Variants in EPHA3 observed in about 807,000 individuals in gnomAD.
The protein encoded by EPHA3 is ephrin type-A receptor 3.
In EPHA3, 42 loss-of-function variants were observed where a neutral mutation model predicts 107.1. The observed-to-expected ratio is 0.39, with a 90% confidence interval of 0.31 to 0.51. The LOEUF (loss-of-function observed/expected upper bound fraction) is 0.51. Ranked by LOEUF, EPHA3 falls within the 20% of genes least tolerant of loss-of-function variation. The pLI is 0.78. For missense variants in EPHA3, 1,183 were observed against 1,211.2 expected (o/e 0.98, Z 0.35); for synonymous variants, 461 against 424.8 (o/e 1.09, Z -1.05).
At chr3:89,254,158 TCTTATA>T (rs973645284) in intron 3 of EPHA3, among the ~76,000 whole-genome samples, 7 of 152,166 alleles carry the variant, frequency 4.6e-5, no homozygotes, top group African/African-American at 1.7e-4. Flanking sequence ...ATATTTAGAC[TCTTATA>T]CTTAGTAACA....
At chr3:89,447,582 C>G (rs149656082) in intron 13 of EPHA3, among the ~76,000 whole-genome samples, 3 of 152,266 alleles carry the variant, frequency 2.0e-5, no homozygotes, top group African/African-American at 7.2e-5. Context: ...GACATTTTAG[C>G]TTCCTCTTCC....
intron 3 of EPHA3, among the ~76,000 whole-genome samples, chr3:89,231,241 A>G (rs1704626371): frequency 6.6e-6 from 1 of 152,186 alleles, no homozygotes. Context: ...GTTATTTATT[A>G]TACAAAACAT....
chr3:89,436,035 G>C (rs1210845309), intron 13 of EPHA3, among the ~76,000 whole-genome samples: 1 of 151,750 alleles, frequency 6.6e-6, no homozygotes, highest in Non-Finnish European at 1.5e-5. Context: ...CAACTACTCA[G>C]GAGGCTGAGG....
At chr3:89,114,622 G>A (rs1707209454) in intron 1 of EPHA3, among the ~76,000 whole-genome samples, 1 of 152,220 alleles carries the variant, frequency 6.6e-6, no homozygotes, top group Non-Finnish European at 1.5e-5. Context: ...GGTAGGGTGG[G>A]TGGGCGAGCG....
intron 2 of EPHA3, among the ~76,000 whole-genome samples, chr3:89,159,817 G>A (rs1453169558): frequency 6.6e-6 from 1 of 152,016 alleles, no homozygotes; most frequent in Non-Finnish European, 1.5e-5. Context: ...AGCTTCACAC[G>A]GTGATTTATG....
At chr3:89,316,803 T>C (rs1486544549) in intron 3 of EPHA3, among the ~76,000 whole-genome samples, 1 of 151,578 alleles carries the variant, frequency 6.6e-6, no homozygotes, top group Non-Finnish European at 1.5e-5. Context: ...AGTTGTGAAA[T>C]ATAACTGTTG....
At chr3:89,236,157 A>T (rs536398594) in intron 3 of EPHA3, among the ~76,000 whole-genome samples, 1 of 152,120 alleles carries the variant, frequency 6.6e-6, no homozygotes, top group Non-Finnish European at 1.5e-5. Flanking sequence ...AGGAATATAA[A>T]TGTTTTAACT....
At chr3:89,127,304 T>C in intron 2 of EPHA3, 31 bp downstream of exon 2, 1 of 1,524,770 alleles carries the variant, frequency 6.6e-7, no homozygotes, top group Non-Finnish European at 9.1e-7. Context: ...CAAGGAAACA[T>C]TTTCTCTATT....
intron 3 of EPHA3, among the ~76,000 whole-genome samples, chr3:89,249,220 G>A (rs73849216): frequency 0.014 from 2,083 of 152,178 alleles, 56 homozygotes; most frequent in African/African-American, 0.047. Context: ...CAAAGGCCCT[G>A]GTTTTGTCTC....
At chr3:89,272,784 A>T (rs2107300821) in intron 3 of EPHA3, among the ~76,000 whole-genome samples, 1 of 152,048 alleles carries the variant, frequency 6.6e-6, no homozygotes, top group South Asian at 2.1e-4. Flanking sequence ...GAACACATGG[A>T]AAGTTGGAAT....
chr3:89,178,442 G>A (rs1705365241), intron 2 of EPHA3, among the ~76,000 whole-genome samples: 2 of 152,108 alleles, frequency 1.3e-5, no homozygotes, highest in Non-Finnish European at 2.9e-5. Flanking sequence ...ATAGGAGTCT[G>A]GCTGTGGAGT....
At chr3:89,419,460 C>T (rs1709314782) in intron 11 of EPHA3, 70 bp downstream of exon 11, 1 of 1,379,032 alleles carries the variant, frequency 7.3e-7, no homozygotes. Context: ...CAACCCCAAC[C>T]ATTTAAGAAT....
chr3:89,413,892 G>A (rs1408771433), intron 10 of EPHA3, among the ~76,000 whole-genome samples: 1 of 151,386 alleles, frequency 6.6e-6, no homozygotes, highest in Non-Finnish European at 1.5e-5. Context: ...ATATTTATAA[G>A]AAAAATTTCA....
chr3:89,222,039 T>TTTATTTTCTA (rs1704390022), intron 3 of EPHA3, among the ~76,000 whole-genome samples: 1 of 152,164 alleles, frequency 6.6e-6, no homozygotes, highest in Non-Finnish European at 1.5e-5. Context: ...AGGGCATCTC[T>TTTATTTTCTA]GGCCTTTATT....
chr3:89,462,215 GT>G (rs1372287124), intron 15 of EPHA3, among the ~76,000 whole-genome samples: 1 of 39,754 alleles, frequency 2.5e-5, no homozygotes, highest in Admixed American at 3.3e-4. Context: ...GTACCATGCT[GT>G]TTTGGTTACT....
chr3:89,279,666 T>C (rs1171730725), intron 3 of EPHA3, among the ~76,000 whole-genome samples: 1 of 152,108 alleles, frequency 6.6e-6, no homozygotes, highest in Admixed American at 6.6e-5. Flanking sequence ...TTTTCTAGAG[T>C]GGGTCCTGCA....
intron 2 of EPHA3, among the ~76,000 whole-genome samples, chr3:89,168,714 T>C (rs1467664044): frequency 1.3e-5 from 2 of 152,058 alleles, no homozygotes; most frequent in African/African-American, 4.8e-5. Context: ...TAATTAGTAA[T>C]TTTTTCTAAA....
At chr3:89,477,823 A>G (rs1299982776) in intron 16 of EPHA3, among the ~76,000 whole-genome samples, 1 of 146,340 alleles carries the variant, frequency 6.8e-6, no homozygotes, top group Non-Finnish European at 1.5e-5. Context: ...TGGTAAACAG[A>G]GTACGAGAAA....
At chr3:89,130,291 G>C (rs1235396110) in intron 2 of EPHA3, among the ~76,000 whole-genome samples, 1 of 152,114 alleles carries the variant, frequency 6.6e-6, no homozygotes, top group Non-Finnish European at 1.5e-5. Flanking sequence ...CATTCCATCA[G>C]GAAATGTCCA....
Sources: allele counts gnomAD v4.1 joint callset (sites outside exome capture counted in the v4.1 genomes callset), GRCh38; gene constraint gnomAD v4.1.1; transcripts MANE v1.5; gene names NCBI Gene and HGNC (gene_info 2026-07-23, HGNC 2026-07-21).